DEK: variants seen among roughly 807,000 people sequenced by gnomAD.
DEK encodes the protein protein DEK.
Under a neutral mutation model 46.8 loss-of-function variants are expected in DEK, and 28 were observed. The ratio of observed to expected loss-of-function variants is 0.60; its 90% CI spans 0.44 to 0.82. DEK has a LOEUF of 0.82. Among genes scored for constraint, DEK ranks in the 40% least tolerant of loss-of-function variants. The pLI, the probability that DEK is intolerant of heterozygous loss-of-function variation, is 0.00. For missense variants in DEK, 416 were observed against 430.6 expected (o/e 0.97, Z 0.30); for synonymous variants, 160 against 144.5 (o/e 1.11, Z -0.77).
intron 2 of DEK, among the ~76,000 whole-genome samples, chr6:18,261,694 A>C (rs1337788113): frequency 6.6e-6 from 1 of 152,244 alleles, no homozygotes; most frequent in Non-Finnish European, 1.5e-5. Flanking sequence ...AATTTTACCC[A>C]ATGTCTGTAC....
intron 9 of DEK, among the ~76,000 whole-genome samples, chr6:18,229,772 G>A (rs561753382): frequency 5.3e-5 from 8 of 152,294 alleles, no homozygotes; most frequent in Middle Eastern, 3.4e-3. Flanking sequence ...TGAAAGTGAC[G>A]GGGAGAATGG....
intron 2 of DEK, among the ~76,000 whole-genome samples, chr6:18,259,357 T>G (rs1220313871): frequency 8.7e-6 from 1 of 115,554 alleles, no homozygotes; most frequent in Non-Finnish European, 1.6e-5. Flanking sequence ...ATCGCACCAC[T>G]GCACCTCAGC....
At chr6:18,235,610 T>G (rs1348244374) in intron 9 of DEK, among the ~76,000 whole-genome samples, 19 of 152,192 alleles carry the variant, frequency 1.2e-4, no homozygotes, top group Non-Finnish European at 2.9e-5. Flanking sequence ...AAGCTCCTCT[T>G]GAAAGCTAAG....
intron 6 of DEK, among the ~76,000 whole-genome samples, chr6:18,253,057 G>A (rs979258509): frequency 1.8e-4 from 27 of 151,750 alleles, no homozygotes; most frequent in African/African-American, 6.3e-4. Context: ...GTGTATCTGA[G>A]TTGTGAGCTA....
intron 9 of DEK, among the ~76,000 whole-genome samples, chr6:18,230,738 G>A (rs1345035935): frequency 6.6e-6 from 1 of 152,148 alleles, no homozygotes; most frequent in Admixed American, 6.5e-5. Flanking sequence ...CAAGTCCTTA[G>A]AGACCTACAA....
chr6:18,241,223 ACCT>A (rs1219932782), intron 7 of DEK, among the ~76,000 whole-genome samples: 1 of 152,192 alleles, frequency 6.6e-6, no homozygotes, highest in Non-Finnish European at 1.5e-5. Context: ...CAAAGGACAT[ACCT>A]TGGTATTAGG....
intron 2 of DEK, among the ~76,000 whole-genome samples, chr6:18,261,053 G>A (rs1791839968): frequency 6.6e-6 from 1 of 151,814 alleles, no homozygotes; most frequent in Non-Finnish European, 1.5e-5. Flanking sequence ...GGAAATGGGG[G>A]GTGGACCCCT....
intron 6 of DEK, among the ~76,000 whole-genome samples, chr6:18,251,814 G>T (rs1176912863): frequency 6.6e-6 from 1 of 152,080 alleles, no homozygotes; most frequent in Non-Finnish European, 1.5e-5. Context: ...GACACAGGTA[G>T]CAAGGATGTA....
At chr6:18,253,984 T>TA (rs1455704171) in intron 6 of DEK, among the ~76,000 whole-genome samples, 2 of 151,976 alleles carry the variant, frequency 1.3e-5, no homozygotes, top group African/African-American at 4.8e-5. Flanking sequence ...ATTACAGGCA[T>TA]AAGCTACTGC....
intron 3 of DEK, 42 bp downstream of exon 3, chr6:18,258,262 G>C: frequency 6.6e-7 from 1 of 1,509,184 alleles, no homozygotes; most frequent in East Asian, 2.3e-5. Context: ...ACAAATTTAG[G>C]CACTTTCACC....
chr6:18,249,391 CTCTAG>C (rs1239746380), intron 7 of DEK, among the ~76,000 whole-genome samples: 2 of 152,156 alleles, frequency 1.3e-5, no homozygotes, highest in Non-Finnish European at 2.9e-5. Flanking sequence ...CATTTATCTA[CTCTAG>C]TCTTCAACGT....
intron 7 of DEK, among the ~76,000 whole-genome samples, chr6:18,237,868 T>C (rs567359988): frequency 5.3e-4 from 76 of 143,920 alleles, no homozygotes; most frequent in East Asian, 4.0e-4. Flanking sequence ...ATCTTTTTTT[T>C]TTTTTTTTTT....
At chr6:18,251,184 A>G (rs1349670734) in intron 6 of DEK, among the ~76,000 whole-genome samples, 1 of 152,222 alleles carries the variant, frequency 6.6e-6, no homozygotes, top group Non-Finnish European at 1.5e-5. Flanking sequence ...TCTGGGATTG[A>G]GCATCTTTTA....
intron 9 of DEK, among the ~76,000 whole-genome samples, chr6:18,228,901 C>T (rs868394688): frequency 3.6e-4 from 55 of 152,210 alleles, no homozygotes; most frequent in African/African-American, 1.3e-3. Flanking sequence ...GAGCCCACCA[C>T]AGCTCAAGGA....
intron 7 of DEK, among the ~76,000 whole-genome samples, chr6:18,239,317 C>G (rs912983329): frequency 6.9e-5 from 10 of 144,654 alleles, no homozygotes; most frequent in Admixed American, 2.8e-4. Flanking sequence ...TGGCCTCAAG[C>G]TATTCATTGG....
chr6:18,254,046 T>A (rs976359081), intron 6 of DEK, among the ~76,000 whole-genome samples: 3 of 151,588 alleles, frequency 2.0e-5, no homozygotes, highest in African/African-American at 7.3e-5. Context: ...AAAGACTGAA[T>A]GCGGCCAGGC....
Position 18,237,370 on chromosome 6 carries a change from T to C in DEK, c.898+11A>G. The C allele has an allele frequency of 1.9e-6, 3 of 1,587,880 alleles. No homozygotes were observed. The highest frequency in any genetic ancestry group is 1.7e-6 in the Non-Finnish European group (2 of 1,173,778). Reference sequence around the variant, plus strand: ...CTTTAAAGTTGCTGATTAATGTTATTTCTAACATACCTTTTTTGGAACTGT... The same window carrying C: ...CTTTAAAGTTGCTGATTAATGTTATCTCTAACATACCTTTTTTGGAACTGT... On this transcript the variant is annotated intron_variant, in intron 8 of 10. Transcript: ENST00000652689.
intron 9 of DEK, among the ~76,000 whole-genome samples, chr6:18,233,171 G>C (rs556385953): frequency 5.7e-4 from 87 of 152,020 alleles, no homozygotes; most frequent in African/African-American, 2.0e-3. Flanking sequence ...AAACTGGATC[G>C]CTTCTTTACA....
intron 6 of DEK, among the ~76,000 whole-genome samples, chr6:18,251,493 C>T (rs2151090118): frequency 6.6e-6 from 1 of 152,300 alleles, no homozygotes; most frequent in East Asian, 1.9e-4. Context: ...ACAACGTACC[C>T]TTCTAAAGGC....
Sources: gnomAD v4.1 joint callset for allele counts (sites outside exome capture counted in the v4.1 genomes callset) on GRCh38, gnomAD v4.1.1 for gene constraint, MANE v1.5 for transcripts, NCBI Gene and HGNC (gene_info 2026-07-23, HGNC 2026-07-21) for gene names.